The following XPO7 variants were observed in gnomAD, a reference collection of about 807,000 sequenced individuals.
XPO7 encodes exportin-7.
In XPO7, 21 loss-of-function variants were observed where a neutral mutation model predicts 144.3. That is an observed-to-expected ratio of 0.15 (90% CI 0.10 to 0.21). The LOEUF is 0.21. Among genes scored for constraint, XPO7 ranks in the 10% least tolerant of loss-of-function variants. The probability of loss-of-function intolerance (pLI) is 1.00; values close to 1 mark genes in which losing one functional copy is unlikely to be tolerated. For synonymous variants in XPO7, 580 were observed against 499.6 expected (o/e 1.16, Z -2.15); for missense variants, 808 against 1,325.8 (o/e 0.61, Z 6.06).
rs1317917363 is a variant in XPO7, at chr8:21,939,620, C to G, written c.18+19832C>G. Reference sequence around the variant, plus strand: ...AATTGAGTCAGATTCTTGTAGAATACTTGTAATATGAGCTGTCTCTAGATT... The same window carrying G: ...AATTGAGTCAGATTCTTGTAGAATAGTTGTAATATGAGCTGTCTCTAGATT... On this transcript the variant is annotated intron_variant, in intron 1 of 27. Transcript: ENST00000252512. Among the ~76,000 whole-genome samples, 4 of 152,284 alleles carry G rather than the reference C, an allele frequency of 2.6e-5. No individual in the cohort carries two copies. The East Asian group carries it at 5.8e-4, about 22-fold the overall frequency.
At chr8:21,990,300 C>T (rs368541208) in intron 16 of XPO7, 44 bp from the exon 17 acceptor site, 33 of 1,597,682 alleles carry the variant, frequency 2.1e-5, no homozygotes, top group East Asian at 4.5e-5. Context: ...CTTAGAGTTT[C>T]GGCCTGCTTC....
intron 21 of XPO7, among the ~76,000 whole-genome samples, chr8:21,996,267 T>G (rs1345310146): frequency 6.6e-6 from 1 of 152,102 alleles, no homozygotes; most frequent in Non-Finnish European, 1.5e-5. Context: ...TACAAAAAAT[T>G]AGCTGGGCAT....
rs576494998 is a variant in XPO7 at position 21,979,203 on chromosome 8, G to A, written c.838-881G>A. Among the ~76,000 whole-genome samples, 449 of 151,532 alleles carry A rather than the reference G, an allele frequency of 3.0e-3. 3 individuals are homozygous for A. The highest frequency in any genetic ancestry group is 0.011 in the African/African-American group (441 of 41,304). Reference sequence around the variant, plus strand: ...TGGAATTACAGGCATGAGCCACCACGCCCGGCTAATTTTATATTTTCAGTA... The same window carrying A: ...TGGAATTACAGGCATGAGCCACCACACCCGGCTAATTTTATATTTTCAGTA... On this transcript the variant is annotated intron_variant, in intron 8 of 27. Transcript: ENST00000252512.
chr8:21,936,433 C>G (rs1469797304), intron 1 of XPO7, among the ~76,000 whole-genome samples: 1 of 152,150 alleles, frequency 6.6e-6, no homozygotes, highest in Admixed American at 6.5e-5. Context: ...ATGTTTGATG[C>G]TTATTTTCAC....
At chr8:21,944,603 TA>T (rs1379774166) in intron 1 of XPO7, among the ~76,000 whole-genome samples, 1 of 152,184 alleles carries the variant, frequency 6.6e-6, no homozygotes, top group African/African-American at 2.4e-5. Context: ...AAATAAGGAA[TA>T]TTCTTTTAAT....
intron 2 of XPO7, 33 bp downstream of exon 2, chr8:21,967,036 A>G (rs4872191): frequency 0.55 from 873,900 of 1,598,480 alleles, 242,765 homozygotes; most frequent in African/African-American, 0.74. Flanking sequence ...AAAGGATAAC[A>G]GGCGCTTCGG....
intron 1 of XPO7, among the ~76,000 whole-genome samples, chr8:21,933,904 ATTGT>A (rs767688895): frequency 8.5e-5 from 13 of 152,278 alleles, no homozygotes; most frequent in East Asian, 7.7e-4. Context: ...CTAACTGTAT[ATTGT>A]TTGTTAGAGA....
intron 1 of XPO7, among the ~76,000 whole-genome samples, chr8:21,937,915 T>A (rs902863020): frequency 6.6e-6 from 1 of 152,224 alleles, no homozygotes; most frequent in Non-Finnish European, 1.5e-5. Context: ...ACTCCCACTT[T>A]CATTAAACTT....
intron 1 of XPO7, among the ~76,000 whole-genome samples, chr8:21,962,022 T>A (rs908815523): frequency 2.0e-5 from 3 of 152,222 alleles, no homozygotes; most frequent in African/African-American, 7.2e-5. Flanking sequence ...CCCTGATGAT[T>A]ATTGAGGTTG....
rs1360556849 is a variant in XPO7, at chr8:21,939,284, C to T, written c.18+19496C>T. 6.7e-5 allele frequency among the ~76,000 whole-genome samples: 10 copies of T among 150,170 alleles called. No homozygotes were observed. In the East Asian group the frequency reaches 1.6e-3, roughly 23 times the overall value. ...TTGCTGAGGCTGAAGTGCAGTGCTG[C>T]GATCTTAGCTCACTACAAGTTCCTT... On this transcript the variant is annotated intron_variant, in intron 1 of 27. Transcript: ENST00000252512.
Position 22,003,245 on chromosome 8 carries a change from C to T in XPO7, c.2970C>T (p.Ile990=). Residue 990 remains isoleucine, a synonymous_variant, in exon 26 of 28, where the codon ATC becomes ATT. Coordinates refer to ENST00000252512, the MANE Select transcript of XPO7 (RefSeq NM_015024.5). ...TGCTGTCCACGGTGCTGAACATCATCATCTTTGAAGACTGTAGGAACCAGT... is the reference window on the plus strand; with the variant it reads ...TGCTGTCCACGGTGCTGAACATCATTATCTTTGAAGACTGTAGGAACCAGT... The part of the protein sequence containing the change: ...QQMLSTVLNI[I]IFEDCRNQWS... 1 of 1,613,056 alleles carries T rather than the reference C, an allele frequency of 6.2e-7. No homozygotes were observed. Among genetic ancestry groups the T allele is most frequent in the Non-Finnish European group, 8.5e-7 (1 of 1,179,546 alleles).
At chr8:21,951,522 A>G (rs544393248) in intron 1 of XPO7, among the ~76,000 whole-genome samples, 4 of 152,362 alleles carry the variant, frequency 2.6e-5, no homozygotes, top group South Asian at 4.1e-4. Flanking sequence ...GAATAGAAAC[A>G]TTCGAGAATT....
At chr8:21,941,270 C>G (rs570302268) in intron 1 of XPO7, among the ~76,000 whole-genome samples, 2 of 151,978 alleles carry the variant, frequency 1.3e-5, no homozygotes, top group East Asian at 1.9e-4. Flanking sequence ...CCTCCTACCT[C>G]GGTCTCCCTA....
intron 21 of XPO7, among the ~76,000 whole-genome samples, chr8:21,996,786 T>C (rs2117395428): frequency 6.6e-6 from 1 of 152,198 alleles, no homozygotes; most frequent in Middle Eastern, 3.4e-3. Context: ...GTTTTTTTTC[T>C]TTATTTTTAT....
At chr8:21,999,980 A>G (rs1034973360) in intron 24 of XPO7, among the ~76,000 whole-genome samples, 1 of 152,216 alleles carries the variant, frequency 6.6e-6, no homozygotes, top group African/African-American at 2.4e-5. Context: ...TGTTTACCAT[A>G]CTTACCACTT....
In XPO7 at chr8:22,005,124, C is replaced by A; in HGVS notation, c.*36C>A. The stretch of plus-strand genomic sequence containing the variant: ...GACTCTACCTGTACAGAGCAGCGTC[C>A]CTTTGGTTTGGCCCAGAGGGGCGAA... On this transcript the variant is annotated 3_prime_UTR_variant, in exon 28 of 28. Coordinates refer to ENST00000252512, the MANE Select transcript of XPO7 (RefSeq NM_015024.5). The A allele has an allele frequency of 6.4e-7, 1 of 1,555,236 alleles. No individual in the cohort carries two copies. Among genetic ancestry groups the A allele is most frequent in the Non-Finnish European group, 8.8e-7 (1 of 1,138,160 alleles).
rs1383247564 is a variant in XPO7, at chr8:22,006,584, G to A, written c.*1496G>A. On this transcript the variant is annotated 3_prime_UTR_variant, in exon 28 of 28. Coordinates refer to ENST00000252512, the MANE Select transcript of XPO7 (RefSeq NM_015024.5). ...CCAATAAACTTCAATGGTTTCTACT[G>A]ACCTGGCTTCAGCAATCATGTCCAG... 1.3e-5 allele frequency: 2 copies of A among 152,196 alleles called. No individual in the cohort carries two copies. Among genetic ancestry groups the A allele is most frequent in the Admixed American group, 1.3e-4 (2 of 15,278 alleles). 9.4% of individuals were successfully genotyped at this position (152,196 alleles called of 1,614,324 possible).
chr8:21,978,395 C>A (rs1431137721), intron 8 of XPO7, among the ~76,000 whole-genome samples: 1 of 152,094 alleles, frequency 6.6e-6, no homozygotes, highest in Admixed American at 6.6e-5. Flanking sequence ...TGTAAATTAC[C>A]GGTTGGTGTT....
chr8:21,993,417 G>C (rs1812832286), intron 19 of XPO7, among the ~76,000 whole-genome samples: 1 of 152,196 alleles, frequency 6.6e-6, no homozygotes, highest in South Asian at 2.1e-4. Flanking sequence ...GTTAACAGAA[G>C]TGATGTCGTT....
Sources: gnomAD v4.1 joint callset for allele counts (sites outside exome capture counted in the v4.1 genomes callset) on GRCh38, gnomAD v4.1.1 for gene constraint, MANE v1.5 for transcripts, NCBI Gene and HGNC (gene_info 2026-07-23, HGNC 2026-07-21) for gene names.